CLVS1: variants seen among roughly 807,000 people sequenced by gnomAD.
The protein encoded by CLVS1 is clavesin-1.
A neutral mutation model predicts 33.1 loss-of-function variants in CLVS1; 10 were observed. The ratio of observed to expected loss-of-function variants is 0.30; its 90% CI spans 0.19 to 0.51. CLVS1 has a LOEUF of 0.51. Ranked by LOEUF, CLVS1 falls within the 20% of genes least tolerant of loss-of-function variation. The probability of loss-of-function intolerance (pLI) is 0.97; values close to 1 mark genes in which losing one functional copy is unlikely to be tolerated. For synonymous variants in CLVS1, 163 were observed against 166.1 expected, an observed-to-expected ratio of 0.98 and a Z score of 0.14; for missense variants, 343 against 433.4, an observed-to-expected ratio of 0.79 and a Z score of 1.85.
At chr8:61,250,341 T>C (rs1037878622) in intron 2 of CLVS1, among the ~76,000 whole-genome samples, 3 of 152,216 alleles carry the variant, frequency 2.0e-5, no homozygotes, top group African/African-American at 4.8e-5. Context: ...TAGTTTGAAG[T>C]CAGGTAGCAT....
chr8:61,235,269 A>C (rs1471859), intron 2 of CLVS1, among the ~76,000 whole-genome samples: 61,020 of 152,032 alleles, frequency 0.4, 12,464 homozygotes, highest in Admixed American at 0.42. Context: ...AAGTGACCAG[A>C]GAAAGTACCC....
chr8:61,405,388 A>G (rs1814947140), intron 3 of CLVS1, among the ~76,000 whole-genome samples: 1 of 152,176 alleles, frequency 6.6e-6, no homozygotes, highest in South Asian at 2.1e-4. Flanking sequence ...AAGCCATTAC[A>G]CAAGGGCATT....
rs991143287 is a variant in CLVS1 at position 61,082,981 on chromosome 8, T to C, written c.-243+25751T>C. ...CTCTGGGCGACAGAGAAAGACCCTG[T>C]CTTAAACATAAAAAAAAAGAAGAAG... On this transcript the variant is annotated intron_variant, in intron 1 of 2. Transcript: ENST00000522621. Among the ~76,000 whole-genome samples the C allele has an allele frequency of 1.2e-3, 57 of 47,244 alleles. 1 individual carries two copies. Among genetic ancestry groups the C allele is most frequent in the Non-Finnish European group, 7.7e-4 (20 of 25,816 alleles). 31.0% of individuals were successfully genotyped at this position (47,244 alleles called of 152,430 possible).
At chr8:61,240,052 A>G in intron 2 of CLVS1, among the ~76,000 whole-genome samples, 1 of 152,166 alleles carries the variant, frequency 6.6e-6, no homozygotes, top group East Asian at 1.9e-4. Flanking sequence ...TTTGTTTTTA[A>G]TGTAGCCAAG....
chr8:61,454,242 C>T lies in CLVS1; in HGVS notation c.732C>T (p.Thr244=), dbSNP rs759070740. The T allele has an allele frequency of 5.6e-6, 9 of 1,612,170 alleles. No individual in the cohort carries two copies. The Admixed American group carries it at 6.7e-5, about 12-fold the overall frequency. ...TLIKPFLKDK[T]RKRIFLHGNN... is the part of the protein sequence containing the mutation. Reference sequence around the variant, plus strand: ...TCAAGCCATTTCTTAAAGACAAGACCAGGAAACGGGTAATGAAAACAAATG... The same window carrying T: ...TCAAGCCATTTCTTAAAGACAAGACTAGGAAACGGGTAATGAAAACAAATG... The change falls in exon 4 of 6, where the codon ACC becomes ACT. Residue 244 remains threonine (T), a synonymous_variant. Transcript: ENST00000325897.
chr8:61,126,520 G>T (rs1477118671), intron 1 of CLVS1, among the ~76,000 whole-genome samples: 27 of 152,142 alleles, frequency 1.8e-4, no homozygotes, highest in Admixed American at 1.6e-3. Context: ...CTTATAAATT[G>T]TATAGTTTTG....
intron 2 of CLVS1, among the ~76,000 whole-genome samples, chr8:61,160,778 T>C (rs1161350562): frequency 6.6e-6 from 1 of 152,206 alleles, no homozygotes; most frequent in East Asian, 1.9e-4. Flanking sequence ...CAAAACTTTA[T>C]CCAGGCTTCT....
the CLVS1 span, among the ~76,000 whole-genome samples, chr8:61,031,134 CAAG>C: frequency 6.6e-6 from 1 of 152,146 alleles, no homozygotes; most frequent in Admixed American, 6.5e-5. Context: ...GAAGATTCTG[CAAG>C]AAGAACAGAA....
intron 2 of CLVS1, among the ~76,000 whole-genome samples, chr8:61,220,216 G>A (rs1168017900): frequency 1.3e-5 from 2 of 152,060 alleles, no homozygotes; most frequent in Non-Finnish European, 2.9e-5. Context: ...TGGCATTTTT[G>A]TCATGAAGTC....
the CLVS1 span, among the ~76,000 whole-genome samples, chr8:61,032,586 C>T: frequency 6.6e-6 from 1 of 152,124 alleles, no homozygotes; most frequent in Non-Finnish European, 1.5e-5. Flanking sequence ...AGGGAATATC[C>T]AGGCCTCTAA....
chr8:61,485,044 C>T lies in CLVS1; in HGVS notation c.978-14411C>T, dbSNP rs552924815. Among the ~76,000 whole-genome samples, 84 of 152,338 alleles carry T rather than the reference C, an allele frequency of 5.5e-4. 1 individual carries two copies. The Middle Eastern group carries it at 0.027, about 49-fold the overall frequency. ...AGGACATAGGCATGGGCAAGGACTTCTTGACTAAAACACCAAAAGCAATGG... is the reference window on the plus strand; with the variant it reads ...AGGACATAGGCATGGGCAAGGACTTTTTGACTAAAACACCAAAAGCAATGG... On this transcript the variant is annotated intron_variant, in intron 5 of 5. Transcript: ENST00000325897.
chr8:61,435,406 A>ATTT (rs1816292256), intron 3 of CLVS1, among the ~76,000 whole-genome samples: 1 of 152,184 alleles, frequency 6.6e-6, no homozygotes. Flanking sequence ...TTGTCTTTAA[A>ATTT]AAATCTCCTT....
chr8:61,036,733 G>C, the CLVS1 span, among the ~76,000 whole-genome samples: 1 of 152,196 alleles, frequency 6.6e-6, no homozygotes, highest in South Asian at 2.1e-4. Flanking sequence ...TATCTTTCCT[G>C]TAAAATGTGG....
chr8:61,458,728 A>G (rs1392886449), intron 5 of CLVS1, 186 bp downstream of exon 5: 2 of 523,312 alleles, frequency 3.8e-6, no homozygotes, highest in South Asian at 2.9e-5. Context: ...GCCCAGCACT[A>G]TAGTTGTCCC....
intron 2 of CLVS1, among the ~76,000 whole-genome samples, chr8:61,268,472 A>G (rs1348389209): frequency 6.6e-6 from 1 of 151,466 alleles, no homozygotes; most frequent in African/African-American, 2.4e-5. Flanking sequence ...TGCCGCAATA[A>G]ACATACGTGT....
chr8:61,477,590 G>T (rs1309154578), intron 5 of CLVS1, among the ~76,000 whole-genome samples: 2 of 152,178 alleles, frequency 1.3e-5, no homozygotes, highest in Non-Finnish European at 2.9e-5. Context: ...TTGCATAGAG[G>T]TGTTTATAGT....
At chr8:61,023,457 A>G in the CLVS1 span, among the ~76,000 whole-genome samples, 2 of 152,378 alleles carry the variant, frequency 1.3e-5, no homozygotes, top group East Asian at 3.9e-4. Context: ...ATGCCCTGCC[A>G]TGCACCATTA....
chr8:61,451,839 A>G (rs529263882), intron 3 of CLVS1, among the ~76,000 whole-genome samples: 1 of 152,100 alleles, frequency 6.6e-6, no homozygotes, highest in South Asian at 2.1e-4. Context: ...AGAGAGAGAG[A>G]GAGAGAGAAC....
At position 61,383,687 on chromosome 8, in the gene CLVS1, G is replaced by T. The variant is rs571680371; in HGVS notation, c.630+6908G>T. On this transcript the variant is annotated intron_variant, in intron 3 of 5. Coordinates refer to ENST00000325897, the MANE Select transcript of CLVS1 (RefSeq NM_173519.3). ...AATTAAACTCAGGAAGATAATTAGG[G>T]CTAATGACACTCTGGTGATTCTGAT... 2.0e-5 allele frequency among the ~76,000 whole-genome samples: 3 copies of T among 152,268 alleles called. No homozygotes were observed. In the South Asian group the frequency reaches 6.2e-4, roughly 32 times the overall value.
Sources: gnomAD v4.1 joint callset for allele counts (sites outside exome capture counted in the v4.1 genomes callset) on GRCh38, gnomAD v4.1.1 for gene constraint, MANE v1.5 for transcripts, NCBI Gene and HGNC (gene_info 2026-07-23, HGNC 2026-07-21) for gene names.